The following CAPN9 variants were observed in gnomAD, a reference collection of about 807,000 sequenced individuals.
CAPN9 encodes calpain 9.
Under a neutral mutation model 92.8 loss-of-function variants are expected in CAPN9, and 81 were observed. The observed-to-expected ratio is 0.87, with a 90% CI of 0.73 to 1.05. The LOEUF (loss-of-function observed/expected upper bound fraction) is 1.05. Among genes scored for constraint, CAPN9 ranks in the 50% least tolerant of loss-of-function variants. The probability of loss-of-function intolerance (pLI) is 0.00; values close to 1 mark genes in which losing one functional copy is unlikely to be tolerated. For missense variants in CAPN9, 848 were observed against 866.2 expected, an observed-to-expected ratio of 0.98 and a Z score of 0.26; for synonymous variants, 304 against 328.0, an observed-to-expected ratio of 0.93 and a Z score of 0.79.
intron 15 of CAPN9, among the ~76,000 whole-genome samples, 166 bp downstream of exon 15, chr1:230,792,094 T>C (rs529837504): frequency 3.9e-5 from 6 of 152,084 alleles, no homozygotes; most frequent in South Asian, 2.1e-4. Flanking sequence ...CATGCTGAAA[T>C]TGGATCAGAA....
At position 230,774,549 on chromosome 1, in the gene CAPN9, C is replaced by G. The variant is rs773485029; in HGVS notation, c.876-5C>G. ...TGCCTGAACACCAATTTTGTTTACT[C>G]CTAGTTCTCCGGAGTGGCGTTCTGT... On this transcript the variant is annotated splice_polypyrimidine_tract_variant and splice_region_variant and intron_variant, in intron 7 of 19. Transcript: ENST00000271971. 6.2e-7 allele frequency: 1 copy of G among 1,610,724 alleles called. No individual in the cohort carries two copies. The highest frequency in any genetic ancestry group is 2.2e-5 in the East Asian group (1 of 44,852).
chr1:230,778,316 C>T (rs1666961078), intron 8 of CAPN9, among the ~76,000 whole-genome samples: 1 of 152,210 alleles, frequency 6.6e-6, no homozygotes, highest in Non-Finnish European at 1.5e-5. Flanking sequence ...CCTTGTCTCT[C>T]ACTTGGACAC....
At position 230,772,106 on chromosome 1, in the gene CAPN9, C is replaced by G. The variant is rs1467584212; in HGVS notation, c.875+7C>G. 3 of 1,613,302 alleles carry G rather than the reference C, an allele frequency of 1.9e-6. No homozygotes were observed. Among genetic ancestry groups the G allele is most frequent in the Non-Finnish European group, 2.5e-6 (3 of 1,179,266 alleles). On this transcript the variant is annotated splice_region_variant and intron_variant, in intron 7 of 19. Coordinates refer to ENST00000271971, the MANE Select transcript of CAPN9 (RefSeq NM_006615.3). ...ACGGGTCGTGGAGCGACAGGTCAGT[C>G]ACCCTATCCTGCCTCTCTGGCTGGT...
chr1:230,787,632 C>T (rs748810154), intron 13 of CAPN9, 30 bp downstream of exon 13: 1 of 1,593,704 alleles, frequency 6.3e-7, no homozygotes, highest in East Asian at 2.2e-5. Context: ...CATCTCCCCA[C>T]CAGGCTGAGG....
chr1:230,749,326 A>G (rs113251296), intron 1 of CAPN9, among the ~76,000 whole-genome samples: 15 of 152,256 alleles, frequency 9.9e-5, no homozygotes, highest in African/African-American at 3.6e-4. Flanking sequence ...TCTGCTAAGT[A>G]AGAAAAAGGA....
rs1309438760 is a variant in CAPN9, at chr1:230,779,080, A to T, written c.1061A>T (p.His354Leu). ...ATCCACAAATGGGAGGTGACGGTCC[A>T]TCAGGGAAGCTGGGTTCGCGGCTCC... ...DAIHKWEVTV[H>L]QGSWVRGSTA... Residue 354 changes from histidine (H) to leucine (L), a missense_variant, in exon 9 of 20, where the codon CAT becomes CTT. Physicochemically the swap from His to Leu is moderately conservative, Grantham distance 99. Transcript: ENST00000271971. 1 of 1,613,428 alleles carries T rather than the reference A, an allele frequency of 6.2e-7. No homozygotes were observed.
intron 8 of CAPN9, 27 bp from the exon 9 acceptor site, chr1:230,778,946 G>A: frequency 6.2e-7 from 1 of 1,602,226 alleles, no homozygotes; most frequent in Non-Finnish European, 8.5e-7. Flanking sequence ...GCCCTCCTGT[G>A]CATCGTGTCT....
intron 8 of CAPN9, chr1:230,776,587 A>C (rs1459744128): frequency 1.3e-5 from 2 of 152,180 alleles, no homozygotes; most frequent in South Asian, 4.1e-4. Flanking sequence ...AATAGACCCC[A>C]AATATATAAA....
At position 230,780,354 on chromosome 1, in the gene CAPN9, T is replaced by A. The variant is rs546263247; in HGVS notation, c.1272+18T>A. 1 of 1,612,440 alleles carries A rather than the reference T, an allele frequency of 6.2e-7. No individual in the cohort carries two copies. The highest frequency in any genetic ancestry group is 8.5e-7 in the Non-Finnish European group (1 of 1,179,018). On this transcript the variant is annotated intron_variant, in intron 10 of 19. Coordinates refer to ENST00000271971, the MANE Select transcript of CAPN9 (RefSeq NM_006615.3). ...TTTATGAGGTAGGTGGGAACCACAC[T>A]GCATTTCAGAGTTCTCCATCTGAGT... is the stretch of plus-strand genomic sequence containing the variant.
intron 11 of CAPN9, among the ~76,000 whole-genome samples, chr1:230,781,698 A>G (rs184704479): frequency 6.6e-6 from 1 of 152,382 alleles, no homozygotes; most frequent in East Asian, 1.9e-4. Flanking sequence ...CTAATTCTGT[A>G]TTTAAGCTAG....
rs759608534 is a variant in CAPN9 at position 230,762,726 on chromosome 1, T to G, written c.476T>G (p.Phe159Cys). ...RLPTFRDRLV[F>C]LHSADHNEFW... ...CCCACCTTCAGGGACCGCTTGGTTT[T>G]CCTCCACTCTGCCGACCACAACGAG... Residue 159 changes from phenylalanine (F) to cysteine (C), a missense_variant, in exon 4 of 20, where the codon TTC (phenylalanine) becomes TGC (cysteine). Coordinates refer to ENST00000271971, the MANE Select transcript of CAPN9 (RefSeq NM_006615.3). 1.2e-6 allele frequency: 2 copies of G among 1,614,068 alleles called. No homozygotes were observed. The highest frequency in any genetic ancestry group is 2.7e-5 in the African/African-American group (2 of 74,928).
At position 230,767,926 on chromosome 1, in the gene CAPN9, A is replaced by G. The variant is rs4847014; in HGVS notation, c.705+217A>G. Among the ~76,000 whole-genome samples the G allele has an allele frequency of 0.23, 35,501 of 151,652 alleles. 5,289 individuals are homozygous for G. The highest frequency in any genetic ancestry group is 0.34 in the Non-Finnish European group (22,925 of 67,876). On this transcript the variant is annotated intron_variant, in intron 5 of 19. Transcript: ENST00000271971. ...ATACCTAGTGCTAAATGACTAGTTAATGGGTGCAGCACACCAACATGGCAC... is the reference window on the plus strand; with the variant it reads ...ATACCTAGTGCTAAATGACTAGTTAGTGGGTGCAGCACACCAACATGGCAC...
chr1:230,753,830 C>G (rs1665019796), intron 1 of CAPN9, among the ~76,000 whole-genome samples: 1 of 151,294 alleles, frequency 6.6e-6, no homozygotes, highest in African/African-American at 2.4e-5. Context: ...CTCCCGAGAC[C>G]GGCCCGGCTT....
intron 1 of CAPN9, among the ~76,000 whole-genome samples, chr1:230,748,904 A>G (rs772280181): frequency 1.3e-5 from 2 of 152,260 alleles, no homozygotes; most frequent in Non-Finnish European, 2.9e-5. Context: ...CGAAGTGGTA[A>G]GGGTTTTATT....
intron 19 of CAPN9, among the ~76,000 whole-genome samples, chr1:230,800,294 GA>G (rs765119183): frequency 2.7e-5 from 3 of 109,930 alleles, no homozygotes; most frequent in Non-Finnish European, 4.1e-5. Flanking sequence ...AAGAAAGAAA[GA>G]AAGAAAGAAA....
At chr1:230,800,128 A>G (rs1157759906) in intron 19 of CAPN9, among the ~76,000 whole-genome samples, 3 of 150,700 alleles carry the variant, frequency 2.0e-5, no homozygotes, top group African/African-American at 4.9e-5. Context: ...CAGTGAGCCA[A>G]GATTGTGCCA....
At chr1:230,785,940 T>G (rs754947948) in intron 11 of CAPN9, 41 bp from the exon 12 acceptor site, 2 of 1,601,572 alleles carry the variant, frequency 1.2e-6, no homozygotes, top group East Asian at 4.5e-5. Flanking sequence ...CAATGGGAAG[T>G]TAATCCACAA....
At chr1:230,800,410 CT>C (rs1314358718) in intron 19 of CAPN9, among the ~76,000 whole-genome samples, 2 of 152,008 alleles carry the variant, frequency 1.3e-5, no homozygotes, top group African/African-American at 4.8e-5. Context: ...ATGGCTGCCC[CT>C]GGTCCATGGT....
At chr1:230,784,742 T>A (rs1667460568) in intron 11 of CAPN9, among the ~76,000 whole-genome samples, 1 of 152,260 alleles carries the variant, frequency 6.6e-6, no homozygotes, top group Admixed American at 6.5e-5. Context: ...CACAGAGAAC[T>A]TCTACTAGGG....
Sources: allele counts gnomAD v4.1 joint callset (sites outside exome capture counted in the v4.1 genomes callset), GRCh38; gene constraint gnomAD v4.1.1; transcripts MANE v1.5; gene names NCBI Gene and HGNC (gene_info 2026-07-23, HGNC 2026-07-21).